The following CCSER1 variants were observed in gnomAD, a reference collection of about 807,000 sequenced individuals.
CCSER1 encodes the protein coiled-coil serine rich protein 1.
In CCSER1, 41 loss-of-function variants were observed where a neutral mutation model predicts 82.0. The observed-to-expected ratio is 0.50, with a 90% CI of 0.39 to 0.65. The LOEUF is 0.65. Among genes scored for constraint, CCSER1 ranks in the 30% least tolerant of loss-of-function variants. The pLI, the probability that CCSER1 is intolerant of heterozygous loss-of-function variation, is 0.00. For synonymous variants in CCSER1, 414 were observed against 383.9 expected, an observed-to-expected ratio of 1.08 and a Z score of -0.92; for missense variants, 1,119 against 1,064.2, an observed-to-expected ratio of 1.05 and a Z score of -0.72.
intron 5 of CCSER1, among the ~76,000 whole-genome samples, chr4:90,526,416 A>G (rs1463989340): frequency 6.6e-6 from 1 of 150,928 alleles, no homozygotes; most frequent in South Asian, 2.1e-4. Flanking sequence ...TTTTTTTCTT[A>G]TACTTTAATT....
chr4:90,977,707 T>C (rs1459044872), intron 9 of CCSER1, among the ~76,000 whole-genome samples: 1 of 151,626 alleles, frequency 6.6e-6, no homozygotes, highest in Non-Finnish European at 1.5e-5. Flanking sequence ...TACATAATCT[T>C]ATATTGTAAT....
chr4:90,271,864 T>TATA (rs1560920274), intron 1 of CCSER1, among the ~76,000 whole-genome samples: 20 of 28,544 alleles, frequency 7.0e-4, no homozygotes, highest in South Asian at 1.9e-3. Context: ...ATATATATAT[T>TATA]TTTTTTTTTT....
chr4:91,088,294 T>C (rs900585486), intron 10 of CCSER1, among the ~76,000 whole-genome samples: 3 of 152,126 alleles, frequency 2.0e-5, no homozygotes, highest in Non-Finnish European at 4.4e-5. Context: ...TATCAAGGGC[T>C]TATTACCAAA....
At chr4:91,171,870 A>G (rs773994531) in intron 10 of CCSER1, among the ~76,000 whole-genome samples, 7 of 152,226 alleles carry the variant, frequency 4.6e-5, no homozygotes, top group African/African-American at 1.7e-4. Context: ...GGTTTCATGC[A>G]TGCTAATATT....
chr4:90,615,441 G>A (rs528323913), intron 5 of CCSER1, among the ~76,000 whole-genome samples: 36 of 152,238 alleles, frequency 2.4e-4, no homozygotes, highest in Admixed American at 3.9e-4. Context: ...AAGAACATTT[G>A]TAATTCATGG....
rs570129964 is a variant in CCSER1 at position 91,082,311 on chromosome 4, A to G, written c.2173-3639A>G. Reference sequence around the variant, plus strand: ...CCTGACAAAAACAAGAAATGGGGAAAGGATTCCCTATTTAATAAATGCTTC... The same window carrying G: ...CCTGACAAAAACAAGAAATGGGGAAGGGATTCCCTATTTAATAAATGCTTC... On this transcript the variant is annotated intron_variant, in intron 9 of 10. Transcript: ENST00000509176. Among the ~76,000 whole-genome samples the G allele has an allele frequency of 2.0e-5, 3 of 152,356 alleles. No individual in the cohort carries two copies. The South Asian group carries it at 6.2e-4, about 32-fold the overall frequency.
At chr4:90,820,153 A>G (rs1198491290) in intron 8 of CCSER1, among the ~76,000 whole-genome samples, 1 of 152,164 alleles carries the variant, frequency 6.6e-6, no homozygotes, top group Non-Finnish European at 1.5e-5. Flanking sequence ...ATATGGTGAT[A>G]TGGAAAATTG....
intron 5 of CCSER1, among the ~76,000 whole-genome samples, chr4:90,605,743 T>G (rs1212662551): frequency 6.6e-6 from 1 of 152,172 alleles, no homozygotes; most frequent in African/African-American, 2.4e-5. Context: ...GTAAATGATT[T>G]TTTATAATTT....
chr4:91,176,261 G>T (rs1313623298), intron 10 of CCSER1, among the ~76,000 whole-genome samples: 1 of 152,184 alleles, frequency 6.6e-6, no homozygotes, highest in Non-Finnish European at 1.5e-5. Context: ...GTAGCGTGAT[G>T]CCTCCAGCTT....
intron 8 of CCSER1, among the ~76,000 whole-genome samples, chr4:90,843,979 A>G (rs1409379004): frequency 6.6e-6 from 1 of 152,012 alleles, no homozygotes; most frequent in Non-Finnish European, 1.5e-5. Context: ...GACTCAGCCA[A>G]TCTTTCAAGA....
intron 9 of CCSER1, among the ~76,000 whole-genome samples, chr4:90,977,728 T>G (rs1735736359): frequency 6.6e-6 from 1 of 151,818 alleles, no homozygotes; most frequent in East Asian, 1.9e-4. Context: ...CATTTGTTTG[T>G]ATATCTGCCT....
chr4:91,428,312 A>G (rs367706241), intron 10 of CCSER1, among the ~76,000 whole-genome samples: 144 of 152,182 alleles, frequency 9.5e-4, no homozygotes, highest in African/African-American at 2.9e-3. Flanking sequence ...TCTGTAATGA[A>G]ATTGAGTTAA....
At chr4:91,406,599 C>T (rs555236616) in intron 10 of CCSER1, among the ~76,000 whole-genome samples, 2 of 152,188 alleles carry the variant, frequency 1.3e-5, no homozygotes, top group East Asian at 1.9e-4. Flanking sequence ...TGCTAGTTAT[C>T]GCATGTTATG....
intron 1 of CCSER1, among the ~76,000 whole-genome samples, chr4:90,200,861 G>C (rs1237419836): frequency 6.6e-6 from 1 of 152,010 alleles, no homozygotes; most frequent in Non-Finnish European, 1.5e-5. Context: ...TATGTACTAT[G>C]TATAATGATG....
chr4:90,529,331 C>T (rs1464937347), intron 5 of CCSER1, among the ~76,000 whole-genome samples: 2 of 152,098 alleles, frequency 1.3e-5, no homozygotes, highest in Admixed American at 6.5e-5. Flanking sequence ...TCTCATTCCA[C>T]AACCTCTCAT....
chr4:91,376,025 A>C (rs1750384930), intron 10 of CCSER1, among the ~76,000 whole-genome samples: 1 of 152,168 alleles, frequency 6.6e-6, no homozygotes, highest in South Asian at 2.1e-4. Flanking sequence ...GAAGGAGAGA[A>C]AGAACTTTCT....
chr4:90,998,965 T>A (rs1168893441), intron 9 of CCSER1, among the ~76,000 whole-genome samples: 2 of 152,184 alleles, frequency 1.3e-5, no homozygotes, highest in African/African-American at 4.8e-5. Flanking sequence ...AGCTCCCACT[T>A]ATAAGTGAGG....
intron 9 of CCSER1, among the ~76,000 whole-genome samples, chr4:91,006,211 A>G (rs1418705662): frequency 6.6e-6 from 1 of 151,746 alleles, no homozygotes; most frequent in African/African-American, 2.4e-5. Flanking sequence ...TATAGTTTTC[A>G]GTGTAGAGAT....
At chr4:91,123,544 C>T (rs1452338926) in intron 10 of CCSER1, among the ~76,000 whole-genome samples, 2 of 151,780 alleles carry the variant, frequency 1.3e-5, no homozygotes, top group East Asian at 3.9e-4. Flanking sequence ...ACTCAAAAGT[C>T]TGGAATTACA....
Sources: allele counts gnomAD v4.1 joint callset (sites outside exome capture counted in the v4.1 genomes callset), GRCh38; gene constraint gnomAD v4.1.1; transcripts MANE v1.5; gene names NCBI Gene and HGNC (gene_info 2026-07-23, HGNC 2026-07-21).